OSBP2: variants seen among roughly 807,000 people sequenced by gnomAD.
The protein encoded by OSBP2 is oxysterol binding protein 2.
In OSBP2, 66 loss-of-function variants were observed where a neutral mutation model predicts 96.0. That is an observed-to-expected ratio of 0.69 (90% CI 0.56 to 0.84). OSBP2 has a LOEUF of 0.84. Among genes scored for constraint, OSBP2 ranks in the 40% least tolerant of loss-of-function variants. The pLI, the probability that OSBP2 is intolerant of heterozygous loss-of-function variation, is 0.00. For synonymous variants in OSBP2, 525 were observed against 520.9 expected, an observed-to-expected ratio of 1.01 and a Z score of -0.11; for missense variants, 1,038 against 1,222.7, an observed-to-expected ratio of 0.85 and a Z score of 2.25.
intron 2 of OSBP2, among the ~76,000 whole-genome samples, chr22:30,780,396 C>A (rs2090501499): frequency 6.6e-6 from 1 of 152,232 alleles, no homozygotes; most frequent in African/African-American, 2.4e-5. Context: ...AAGAACCCGA[C>A]ACGCATGACA....
At chr22:30,694,484 C>T, upstream of OSBP2, 3 of 1,144,714 alleles carry the variant, frequency 2.6e-6, no homozygotes, top group Non-Finnish European at 3.6e-6. Flanking sequence ...CCACCCCAGC[C>T]TGGGTTGGGG....
upstream of OSBP2, chr22:30,694,430 G>GT: frequency 7.1e-7 from 1 of 1,408,690 alleles, no homozygotes; most frequent in Non-Finnish European, 9.3e-7. Flanking sequence ...TCTGGGTGCC[G>GT]TACCTGCTTC....
chr22:30,746,278 G>T (rs2145747722), intron 2 of OSBP2, among the ~76,000 whole-genome samples: 1 of 152,050 alleles, frequency 6.6e-6, no homozygotes, highest in East Asian at 1.9e-4. Context: ...AATGAAACTA[G>T]CCAGGCATGA....
intron 1 of OSBP2, among the ~76,000 whole-genome samples, chr22:30,729,453 C>T (rs1451152950): frequency 6.6e-6 from 1 of 152,174 alleles, no homozygotes; most frequent in Non-Finnish European, 1.5e-5. Flanking sequence ...GCCTGGCCAT[C>T]GTAATGAAAC....
intron 2 of OSBP2, among the ~76,000 whole-genome samples, chr22:30,847,907 T>C (rs2038902945): frequency 6.6e-6 from 1 of 152,324 alleles, no homozygotes; most frequent in African/African-American, 2.4e-5. Flanking sequence ...ATTTTATTGA[T>C]ATTTTCAAGG....
At chr22:30,694,073 G>A (rs867949008), upstream of OSBP2, 3 of 1,162,260 alleles carry the variant, frequency 2.6e-6, no homozygotes, top group East Asian at 7.4e-5. Context: ...GCACAGACAG[G>A]TAAACCTCTG....
chr22:30,904,404 C>T (rs566387704), intron 12 of OSBP2, among the ~76,000 whole-genome samples: 1 of 152,338 alleles, frequency 6.6e-6, no homozygotes, highest in East Asian at 1.9e-4. Flanking sequence ...TTCAGATCAT[C>T]TACTTACATC....
chr22:30,833,830 A>G (rs1186938756), intron 2 of OSBP2, among the ~76,000 whole-genome samples: 3 of 152,206 alleles, frequency 2.0e-5, no homozygotes, highest in Non-Finnish European at 1.5e-5. Context: ...CCATGGTGAT[A>G]TGATTATTGC....
chr22:30,857,130 C>A (rs962021084), intron 2 of OSBP2, among the ~76,000 whole-genome samples: 1 of 152,194 alleles, frequency 6.6e-6, no homozygotes, highest in Non-Finnish European at 1.5e-5. Context: ...TACCAGCCGA[C>A]GGTAGTGACT....
chr22:30,887,329 C>T, intron 3 of OSBP2, 97 bp from the exon 4 acceptor site: 1 of 1,005,154 alleles, frequency 9.9e-7, no homozygotes. Context: ...TCTTACCCAG[C>T]TCCTGTTTAA....
intron 2 of OSBP2, among the ~76,000 whole-genome samples, chr22:30,748,769 A>G (rs1259812936): frequency 6.6e-6 from 1 of 152,188 alleles, no homozygotes; most frequent in African/African-American, 2.4e-5. Context: ...TCAGTTACAG[A>G]GTAGGGCATC....
chr22:30,850,526 A>T (rs1373201386), intron 2 of OSBP2, among the ~76,000 whole-genome samples: 1 of 152,030 alleles, frequency 6.6e-6, no homozygotes. Context: ...TTGAGACAGC[A>T]TCTCACTCTG....
At chr22:30,858,915 A>AATAATAATAATAATAAT (rs1337873376) in intron 2 of OSBP2, among the ~76,000 whole-genome samples, 22 of 111,936 alleles carry the variant, frequency 2.0e-4, no homozygotes, top group African/African-American at 5.1e-4. Flanking sequence ...ATAATAATAA[A>AATAATAATAATAATAAT]AGCATTCCCA....
At position 30,831,404 on chromosome 22, in the gene OSBP2, G is replaced by A. The variant is rs183696935; in HGVS notation, c.854-39025G>A. ...TCCTGCCATTGTGTGGAAAACCAAC[G>A]GAAGGCATTCTAAACGAAGTTGGTT... On this transcript the variant is annotated intron_variant, in intron 2 of 13. Transcript: ENST00000332585. Among the ~76,000 whole-genome samples the A allele has an allele frequency of 1.9e-3, 282 of 152,238 alleles. 3 individuals are homozygous for A. The highest frequency in any genetic ancestry group is 1.5e-3 in the Non-Finnish European group (105 of 68,016).
chr22:30,802,988 A>G (rs1602285613), intron 2 of OSBP2: 1 of 154,976 alleles, frequency 6.5e-6, no homozygotes, highest in East Asian at 1.9e-4. Context: ...GCCGCCGGGC[A>G]GCACACACCC....
chr22:30,853,921 G>A (rs950929060), intron 2 of OSBP2, among the ~76,000 whole-genome samples: 9 of 151,916 alleles, frequency 5.9e-5, no homozygotes, highest in Admixed American at 2.6e-4. Context: ...CACCATGCCC[G>A]GCTAATTTTT....
chr22:30,804,495 A>T (rs568314206), intron 2 of OSBP2, among the ~76,000 whole-genome samples: 4 of 152,236 alleles, frequency 2.6e-5, no homozygotes, highest in Admixed American at 6.5e-5. Flanking sequence ...ATGTGAGATG[A>T]TGTGCTGGTT....
In OSBP2 at chr22:30,889,513, G is replaced by C. The variant is rs777341041; in HGVS notation, c.1500G>C (p.Val500=). Residue 500 remains valine (V), a synonymous_variant, in exon 7 of 14, where the codon GTG becomes GTC. Coordinates refer to ENST00000332585, the MANE Select transcript of OSBP2 (RefSeq NM_030758.4). ...ADNVLDGASL[V]PKGSSKVKRR... ...AGGTACTAGATGGTGCCTCGCTCGT[G>C]CCCAAGGGTTCATCCAAAGTCAAGA... The C allele has an allele frequency of 1.9e-6, 3 of 1,614,106 alleles. No individual in the cohort carries two copies. The South Asian group carries it at 3.3e-5, about 18-fold the overall frequency.
At chr22:30,771,243 A>G (rs1215380120) in intron 2 of OSBP2, among the ~76,000 whole-genome samples, 3 of 152,168 alleles carry the variant, frequency 2.0e-5, no homozygotes, top group Non-Finnish European at 4.4e-5. Flanking sequence ...AGGCCAAGGA[A>G]CCATGGTGGG....
Sources: gnomAD v4.1 joint callset for allele counts (sites outside exome capture counted in the v4.1 genomes callset) on GRCh38, gnomAD v4.1.1 for gene constraint, MANE v1.5 for transcripts, NCBI Gene and HGNC (gene_info 2026-07-23, HGNC 2026-07-21) for gene names.